The following KAT14 variants were observed in gnomAD, a reference collection of about 807,000 sequenced individuals.
The protein encoded by KAT14 is cysteine-rich protein 2-binding protein.
KAT14 carries 66 observed loss-of-function variants against 78.4 expected under a neutral mutation model. That is an observed-to-expected ratio of 0.84 (90% CI 0.69 to 1.03). The LOEUF (loss-of-function observed/expected upper bound fraction) is 1.03. KAT14 is among the 50% of genes least tolerant of loss of function. The probability of loss-of-function intolerance (pLI) is 0.00; values close to 1 mark genes in which losing one functional copy is unlikely to be tolerated. For missense variants in KAT14, 870 were observed against 972.5 expected, an observed-to-expected ratio of 0.89 and a Z score of 1.40; for synonymous variants, 344 against 359.4, an observed-to-expected ratio of 0.96 and a Z score of 0.48.
At chr20:18,153,291 CA>C (rs2038113252) in intron 4 of KAT14, among the ~76,000 whole-genome samples, 1 of 151,828 alleles carries the variant, frequency 6.6e-6, no homozygotes, top group African/African-American at 2.4e-5. Context: ...TACATTTTTG[CA>C]AAAGGGGTTA....
chr20:18,174,698 T>C (rs771322755), intron 7 of KAT14, among the ~76,000 whole-genome samples: 3 of 151,030 alleles, frequency 2.0e-5, no homozygotes, highest in African/African-American at 4.9e-5. Context: ...ATTTTTACTG[T>C]TGTCGCCCAG....
chr20:18,158,254 T>G (rs1387374879), intron 4 of KAT14, among the ~76,000 whole-genome samples: 1 of 152,230 alleles, frequency 6.6e-6, no homozygotes, highest in East Asian at 1.9e-4. Context: ...TGCTTATGCC[T>G]ACTATAGCTG....
chr20:18,144,966 A>G (rs752682705), intron 2 of KAT14: 2 of 703,194 alleles, frequency 2.8e-6, no homozygotes, highest in Non-Finnish European at 3.8e-6. Context: ...GAATGTGACA[A>G]TTGGGAAATC....
In KAT14 at chr20:18,172,872, G is replaced by C. The variant is rs185192778; in HGVS notation, c.1669-8838G>C. ...GTAGGCTGTTGGAAATGGGGGAGGT[G>C]TGGGCAGGGAAAGCCCTCTATAGCT... On this transcript the variant is annotated intron_variant, in intron 7 of 10. Coordinates refer to ENST00000688188, the MANE Select transcript of KAT14 (RefSeq NM_001392073.1). Among the ~76,000 whole-genome samples the C allele has an allele frequency of 1.1e-3, 167 of 152,338 alleles. 1 individual carries two copies. The highest frequency in any genetic ancestry group is 1.4e-3 in the Non-Finnish European group (94 of 68,032).
At chr20:18,183,432 A>C (rs2039338093) in intron 9 of KAT14, 134 bp downstream of exon 9, 4 of 1,340,224 alleles carry the variant, frequency 3.0e-6, no homozygotes, top group Middle Eastern at 2.7e-4. Flanking sequence ...CTAACATGGA[A>C]ATATTAAAAT....
chr20:18,139,349 G>A (rs990696669), intron 1 of KAT14, among the ~76,000 whole-genome samples: 6 of 152,180 alleles, frequency 3.9e-5, no homozygotes, highest in African/African-American at 1.4e-4. Context: ...TATGACAGAT[G>A]ATCTGACGTC....
rs572756641 is a variant in KAT14, at chr20:18,175,757, A to T, written c.1669-5953A>T. Among the ~76,000 whole-genome samples the T allele has an allele frequency of 1.8e-3, 274 of 152,142 alleles. 2 individuals carry two copies. The highest frequency in any genetic ancestry group is 3.3e-3 in the Non-Finnish European group (227 of 67,970). On this transcript the variant is annotated intron_variant, in intron 7 of 10. Transcript: ENST00000688188. ...CACCGAGAGCCGAAACATGGCTCAA[A>T]CCTGTAATCCCAGCACTTTGGGAGG...
At chr20:18,145,943 A>T (rs2037811516) in intron 3 of KAT14, among the ~76,000 whole-genome samples, 1 of 152,154 alleles carries the variant, frequency 6.6e-6, no homozygotes, top group African/African-American at 2.4e-5. Flanking sequence ...CTATTTTTTT[A>T]AAGTGGAAAG....
Position 18,184,733 on chromosome 20 carries a change from G to A in KAT14, c.2113G>A (p.Val705Ile), listed in dbSNP as rs369048963. Residue 705 changes from valine to isoleucine, a missense_variant, in exon 10 of 11, where the codon GTC becomes ATC. Physicochemically the swap from Val to Ile is conservative, Grantham distance 29. Transcript: ENST00000688188. ...YNEAYISFLF[V>I]HPEWRRAGIA... ...TGAAGCTTACATTTCATTTCTGTTC[G>A]TCCACCCTGAATGGAGAAGAGCAGG... is the stretch of plus-strand genomic sequence containing the variant. 1.5e-5 allele frequency: 24 copies of A among 1,613,278 alleles called. No individual in the cohort carries two copies. In the South Asian group the frequency reaches 1.6e-4, roughly 11 times the overall value.
chr20:18,173,188 T>G (rs1172622224), intron 7 of KAT14, among the ~76,000 whole-genome samples: 1 of 152,234 alleles, frequency 6.6e-6, no homozygotes, highest in Non-Finnish European at 1.5e-5. Flanking sequence ...TTCTTTGATA[T>G]TCACTGTGAG....
intron 7 of KAT14, among the ~76,000 whole-genome samples, chr20:18,164,533 T>C (rs1035066018): frequency 2.0e-5 from 3 of 152,138 alleles, no homozygotes; most frequent in Non-Finnish European, 4.4e-5. Flanking sequence ...ACCACTGGCT[T>C]AGGTATTGGC....
chr20:18,187,606 A>C lies in KAT14; in HGVS notation c.*147A>C. 7.5e-7 allele frequency: 1 copy of C among 1,341,912 alleles called. No homozygotes were observed. The highest frequency in any genetic ancestry group is 1.0e-6 in the Non-Finnish European group (1 of 1,002,744). 83.1% of individuals were successfully genotyped at this position (1,341,912 alleles called of 1,614,324 possible). On this transcript the variant is annotated 3_prime_UTR_variant, in exon 11 of 11. Coordinates refer to ENST00000688188, the MANE Select transcript of KAT14 (RefSeq NM_001392073.1). ...TCCCAACCAAAGTGAGAAAAGCGGC[A>C]TGCAGTGAAATGAGCAGTGAGCAGC...
At chr20:18,187,124 TTC>T (rs1189361998) in intron 10 of KAT14, among the ~76,000 whole-genome samples, 160 bp from the exon 11 acceptor site, 1 of 152,220 alleles carries the variant, frequency 6.6e-6, no homozygotes, top group Non-Finnish European at 1.5e-5. Context: ...CAAAATGTCA[TTC>T]TGTTTCCAGC....
chr20:18,143,667 G>T (rs2037693729), intron 2 of KAT14, among the ~76,000 whole-genome samples: 3 of 120,002 alleles, frequency 2.5e-5, no homozygotes, highest in South Asian at 2.6e-4. Context: ...TCCTCTTATT[G>T]CCCAGGCTGG....
Position 18,179,604 on chromosome 20 carries a change from C to G in KAT14, c.1669-2106C>G, listed in dbSNP as rs1329236486. Reference sequence around the variant, plus strand: ...TGACTGGAGCGGCTGGGGCACAGGGCGGCAAGTCCCCAGGCTGCCTTCTAG... The same window carrying G: ...TGACTGGAGCGGCTGGGGCACAGGGGGGCAAGTCCCCAGGCTGCCTTCTAG... On this transcript the variant is annotated intron_variant, in intron 7 of 10. Coordinates refer to ENST00000688188, the MANE Select transcript of KAT14 (RefSeq NM_001392073.1). Among the ~76,000 whole-genome samples the G allele has an allele frequency of 3.3e-5, 5 of 152,086 alleles. No individual in the cohort carries two copies. In the East Asian group the frequency reaches 9.6e-4, roughly 29 times the overall value.
chr20:18,160,907 G>A (rs2146423529), intron 5 of KAT14, among the ~76,000 whole-genome samples: 1 of 152,180 alleles, frequency 6.6e-6, no homozygotes, highest in South Asian at 2.1e-4. Context: ...GGGCATGGTG[G>A]CTCATGCCTG....
intron 4 of KAT14, among the ~76,000 whole-genome samples, 198 bp from the exon 5 acceptor site, chr20:18,158,886 G>A (rs1418012340): frequency 6.6e-6 from 1 of 152,122 alleles, no homozygotes; most frequent in Non-Finnish European, 1.5e-5. Flanking sequence ...TGAACAAACC[G>A]AGGCTGCTAG....
Position 18,183,199 on chromosome 20 carries a change from C to T in KAT14, c.1882C>T (p.His628Tyr). ...TTCCCACCTGCACAGGAGCGACCCT[C>T]ACTGGACGCCGGAGCCCGACGCACC... Reference protein sequence around the residue: ...IRSHLHRSDPHWTPEPDAPLD... With the variant: ...IRSHLHRSDPYWTPEPDAPLD... The change falls in exon 9 of 11, where the codon CAC becomes TAC. Residue 628 changes from histidine (H) to tyrosine (Y), a missense_variant. Coordinates refer to ENST00000688188, the MANE Select transcript of KAT14 (RefSeq NM_001392073.1). 6.2e-7 allele frequency: 1 copy of T among 1,614,150 alleles called. No individual in the cohort carries two copies. The highest frequency in any genetic ancestry group is 2.2e-5 in the East Asian group (1 of 44,886).
rs781198544 is a variant in KAT14, at chr20:18,161,999, T to C, written c.859T>C (p.Ser287Pro). ...TGGCTTTCTTGACAGGAGCACATCT[T>C]CTACCCCTGTAAAATTCATAAGCCG... ...AAGFLDRSTS[S>P]TPVKFISRGR... Residue 287 changes from serine (S) to proline (P), a missense_variant, in exon 6 of 11, where the codon TCT becomes CCT. By Grantham distance (74) the Ser-to-Pro change is moderately conservative. Coordinates refer to ENST00000688188, the MANE Select transcript of KAT14 (RefSeq NM_001392073.1). 3.1e-6 allele frequency: 5 copies of C among 1,614,244 alleles called. No homozygotes were observed. The highest frequency in any genetic ancestry group is 2.2e-5 in the East Asian group (1 of 44,886).
Sources: allele counts gnomAD v4.1 joint callset (sites outside exome capture counted in the v4.1 genomes callset), GRCh38; gene constraint gnomAD v4.1.1; transcripts MANE v1.5; gene names NCBI Gene and HGNC (gene_info 2026-07-23, HGNC 2026-07-21).